Variants in LAMA3 observed in about 807,000 individuals in gnomAD.
LAMA3 encodes laminin subunit alpha 3.
LAMA3 carries 281 observed loss-of-function variants against 402.0 expected under a neutral mutation model. That is an observed-to-expected ratio of 0.70 (90% confidence interval 0.63 to 0.77). LAMA3 has a LOEUF of 0.77. LAMA3 is among the 30% of genes least tolerant of loss of function. The pLI is 0.00. For synonymous variants in LAMA3, 1,431 were observed against 1,558.4 expected, an observed-to-expected ratio of 0.92 and a Z score of 1.93; for missense variants, 3,840 against 4,215.5, an observed-to-expected ratio of 0.91 and a Z score of 2.47.
Position 23,707,073 on chromosome 18 carries a change from C to T in LAMA3, c.295-6847C>T, listed in dbSNP as rs541626925. Among the ~76,000 whole-genome samples the T allele has an allele frequency of 7.2e-5, 11 of 152,148 alleles. No individual in the cohort carries two copies. The East Asian group carries it at 1.7e-3, about 24-fold the overall frequency. On this transcript the variant is annotated intron_variant, in intron 1 of 74. Coordinates refer to ENST00000313654, the MANE Select transcript of LAMA3 (RefSeq NM_198129.4). ...AGCCTGGGCAACAAGAGTGAAACTC[C>T]GTCTCAAAAAAAACAAAAACAAAAA...
intron 13 of LAMA3, 78 bp from the exon 14 acceptor site, chr18:23,812,979 A>G (rs961563155): frequency 1.0e-6 from 1 of 997,718 alleles, no homozygotes; most frequent in African/African-American, 1.6e-5. Flanking sequence ...TGAAAACAAA[A>G]CGTTTAAAAC....
rs781342685 is a variant in LAMA3, at chr18:23,887,634, A to G, written c.5304-2377A>G. Among the ~76,000 whole-genome samples the G allele has an allele frequency of 2.6e-5, 4 of 152,352 alleles. No homozygotes were observed. The South Asian group carries it at 8.3e-4, about 32-fold the overall frequency. On this transcript the variant is annotated intron_variant, in intron 41 of 74. Transcript: ENST00000313654. Reference sequence around the variant, plus strand: ...ACAGCACCCAGACATCATTCCTGGCACTAGTGATTAACTACACAATGATAA... The same window carrying G: ...ACAGCACCCAGACATCATTCCTGGCGCTAGTGATTAACTACACAATGATAA...
At chr18:23,936,953 T>TA in intron 67 of LAMA3, among the ~76,000 whole-genome samples, 2 of 152,322 alleles carry the variant, frequency 1.3e-5, no homozygotes, top group South Asian at 4.1e-4. Flanking sequence ...AGGAGTCCTG[T>TA]AAACAGCTGA....
At chr18:23,691,060 C>A (rs1303622806) in intron 1 of LAMA3, among the ~76,000 whole-genome samples, 2 of 152,012 alleles carry the variant, frequency 1.3e-5, no homozygotes, top group African/African-American at 4.8e-5. Context: ...GACACTAAGC[C>A]CAAATTGCCT....
intron 39 of LAMA3, among the ~76,000 whole-genome samples, chr18:23,878,529 G>A (rs1282631551): frequency 6.6e-6 from 1 of 152,258 alleles, no homozygotes; most frequent in Admixed American, 6.5e-5. Context: ...CGGAGCCCAT[G>A]TCTGCACTCA....
intron 38 of LAMA3, among the ~76,000 whole-genome samples, chr18:23,871,884 A>G (rs1253838027): frequency 2.0e-5 from 3 of 152,262 alleles, no homozygotes; most frequent in African/African-American, 7.2e-5. Context: ...CAGAGATTCA[A>G]TAGATGCTGA....
intron 1 of LAMA3, chr18:23,709,914 G>A: frequency 1.4e-6 from 1 of 717,936 alleles, no homozygotes; most frequent in Non-Finnish European, 2.5e-6. Context: ...CCTAATCAGG[G>A]TGTTGACTTT....
chr18:23,766,356 G>A (rs1331085417), intron 8 of LAMA3, among the ~76,000 whole-genome samples: 1 of 151,972 alleles, frequency 6.6e-6, no homozygotes. Flanking sequence ...AAGAATAAAA[G>A]CAAAAAGAAA....
At chr18:23,901,388 T>C (rs1268779318) in intron 48 of LAMA3, 65 bp downstream of exon 48, 13 of 1,386,770 alleles carry the variant, frequency 9.4e-6, no homozygotes, top group Non-Finnish European at 1.3e-5. Context: ...GGATCTTTAT[T>C]ATTAATAAAG....
At chr18:23,763,357 G>A (rs375241114) in intron 7 of LAMA3, 48 bp from the exon 8 acceptor site, 362 of 1,133,292 alleles carry the variant, frequency 3.2e-4, no homozygotes, top group Non-Finnish European at 4.2e-4. Context: ...TTTACTAAGC[G>A]TCTGATAGTA....
At chr18:23,927,542 C>G (rs2082039763) in intron 62 of LAMA3, among the ~76,000 whole-genome samples, 1 of 152,026 alleles carries the variant, frequency 6.6e-6, no homozygotes, top group Admixed American at 6.6e-5. Flanking sequence ...GCATATGAAC[C>G]CAGACAATGT....
At position 23,871,497 on chromosome 18, in the gene LAMA3, A is replaced by AC; in HGVS notation, c.4834_4835insC (p.Arg1612ThrfsTer30). 6.2e-7 allele frequency: 1 copy of AC among 1,614,204 alleles called. No individual in the cohort carries two copies. The highest frequency in any genetic ancestry group is 1.7e-5 in the Admixed American group (1 of 60,028). ...GGAGGAGCTGATGACAGTGCTGTCTAGACTGGCAGATGTGCGCATCCAAGG... is the reference window on the plus strand; with the variant it reads ...GGAGGAGCTGATGACAGTGCTGTCTACGACTGGCAGATGTGCGCATCCAAGG... On this transcript the variant is annotated frameshift_variant, in exon 38 of 75. Coordinates refer to ENST00000313654, the MANE Select transcript of LAMA3 (RefSeq NM_198129.4). LOFTEE classifies it high-confidence loss of function.
At chr18:23,871,964 T>C (rs1390457580) in intron 38 of LAMA3, among the ~76,000 whole-genome samples, 2 of 152,198 alleles carry the variant, frequency 1.3e-5, no homozygotes, top group South Asian at 2.1e-4. Context: ...GGATATTGAC[T>C]ATTCCCAACA....
chr18:23,846,560 A>C (rs1485211429), intron 31 of LAMA3, 52 bp downstream of exon 31: 2 of 1,515,534 alleles, frequency 1.3e-6, no homozygotes, highest in Non-Finnish European at 1.8e-6. Flanking sequence ...CGTGTGGATG[A>C]TGCTTACCAG....
At chr18:23,891,939 G>T (rs760949654) in intron 42 of LAMA3, among the ~76,000 whole-genome samples, 1 of 152,190 alleles carries the variant, frequency 6.6e-6, no homozygotes, top group African/African-American at 2.4e-5. Flanking sequence ...GACTCTGAAG[G>T]GATGTGGAAC....
chr18:23,729,451 G>A (rs1001259688), intron 2 of LAMA3, among the ~76,000 whole-genome samples: 1 of 152,084 alleles, frequency 6.6e-6, no homozygotes, highest in Non-Finnish European at 1.5e-5. Flanking sequence ...TAATGAAAAG[G>A]TTGGATCTTT....
At chr18:23,740,683 A>C (rs1568132019) in intron 2 of LAMA3, among the ~76,000 whole-genome samples, 1 of 152,204 alleles carries the variant, frequency 6.6e-6, no homozygotes, top group Non-Finnish European at 1.5e-5. Context: ...GATGGAGAGT[A>C]GACATCTGTG....
chr18:23,834,166 C>A, intron 24 of LAMA3, 178 bp downstream of exon 24: 1 of 687,164 alleles, frequency 1.5e-6, no homozygotes. Flanking sequence ...TGGGAGTCCT[C>A]TCTATGGGCA....
chr18:23,909,156 ATAAGT>A lies in LAMA3; in HGVS notation c.7023_7027del (p.Lys2341AsnfsTer6). 1.9e-6 allele frequency: 3 copies of A among 1,613,960 alleles called. No homozygotes were observed. The highest frequency in any genetic ancestry group is 2.5e-6 in the Non-Finnish European group (3 of 1,179,886). On this transcript the variant is annotated frameshift_variant, in exon 55 of 75. Coordinates refer to ENST00000313654, the MANE Select transcript of LAMA3 (RefSeq NM_198129.4). LOFTEE classifies it high-confidence loss of function. Reference sequence around the variant, plus strand: ...CTATTTTTTTTCTCACCAACAGTGAATAAGTTAACCAACAAACTACCTGATCTTTG... The same window carrying A: ...CTATTTTTTTTCTCACCAACAGTGAATAACCAACAAACTACCTGATCTTTG...
Sources: allele counts gnomAD v4.1 joint callset (sites outside exome capture counted in the v4.1 genomes callset), GRCh38; gene constraint gnomAD v4.1.1; transcripts MANE v1.5; gene names NCBI Gene and HGNC (gene_info 2026-07-23, HGNC 2026-07-21).